NALF1: variants seen among roughly 807,000 people sequenced by gnomAD.
The protein encoded by NALF1 is family with sequence similarity 155 member A.
Under a neutral mutation model 48.4 loss-of-function variants are expected in NALF1, and 3 were observed. That is an observed-to-expected ratio of 0.06 (90% CI 0.03 to 0.16). NALF1 has a LOEUF of 0.16. NALF1 is among the 10% of genes least tolerant of loss of function. The pLI is 1.00. For synonymous variants in NALF1, 262 were observed against 245.7 expected, an observed-to-expected ratio of 1.07 and a Z score of -0.62; for missense variants, 526 against 571.5, an observed-to-expected ratio of 0.92 and a Z score of 0.81.
chr13:107,544,389 C>T (rs1302724980), intron 1 of NALF1, among the ~76,000 whole-genome samples: 1 of 152,056 alleles, frequency 6.6e-6, no homozygotes, highest in East Asian at 1.9e-4. Flanking sequence ...TGACTCAAGC[C>T]ATAATTGAAA....
At chr13:107,696,907 A>G (rs1012521952) in intron 1 of NALF1, among the ~76,000 whole-genome samples, 4 of 152,176 alleles carry the variant, frequency 2.6e-5, no homozygotes, top group African/African-American at 9.6e-5. Flanking sequence ...TACACGTATC[A>G]TTCCTTAAAA....
intron 1 of NALF1, among the ~76,000 whole-genome samples, chr13:107,365,838 C>T (rs1287192431): frequency 6.6e-6 from 1 of 152,184 alleles, no homozygotes; most frequent in African/African-American, 2.4e-5. Flanking sequence ...ATATATTTTG[C>T]CTACTCCCGT....
intron 1 of NALF1, among the ~76,000 whole-genome samples, chr13:107,766,056 A>T (rs1877411437): frequency 6.6e-6 from 1 of 152,176 alleles, no homozygotes; most frequent in South Asian, 2.1e-4. Flanking sequence ...ATCATCTATA[A>T]TAGGTCCATC....
At chr13:107,797,366 C>T (rs1233430758) in intron 1 of NALF1, among the ~76,000 whole-genome samples, 1 of 152,036 alleles carries the variant, frequency 6.6e-6, no homozygotes, top group Non-Finnish European at 1.5e-5. Context: ...CCACCATGCC[C>T]GGCTAATTTT....
intron 1 of NALF1, among the ~76,000 whole-genome samples, chr13:107,216,756 C>T (rs959282213): frequency 1.5e-4 from 23 of 152,118 alleles, no homozygotes; most frequent in Admixed American, 3.3e-4. Context: ...TGCCCATCCA[C>T]GCCAGCATCC....
intron 1 of NALF1, among the ~76,000 whole-genome samples, chr13:107,751,058 G>A (rs909648244): frequency 3.9e-5 from 6 of 152,210 alleles, no homozygotes. Flanking sequence ...GGAATGCAAT[G>A]TGCTATTAAG....
intron 1 of NALF1, among the ~76,000 whole-genome samples, chr13:107,263,169 A>G (rs781217717): frequency 2.0e-5 from 3 of 150,068 alleles, no homozygotes; most frequent in Non-Finnish European, 4.4e-5. Flanking sequence ...CCCTAGGGGA[A>G]CTCCTTTTTA....
At chr13:107,445,008 C>T (rs1884624272) in intron 1 of NALF1, among the ~76,000 whole-genome samples, 1 of 152,138 alleles carries the variant, frequency 6.6e-6, no homozygotes, top group Non-Finnish European at 1.5e-5. Context: ...TTCTTTCAGC[C>T]TCCTGCAATG....
At chr13:107,468,844 A>G (rs908699518) in intron 1 of NALF1, among the ~76,000 whole-genome samples, 1 of 152,192 alleles carries the variant, frequency 6.6e-6, no homozygotes, top group Non-Finnish European at 1.5e-5. Flanking sequence ...ATTATTTTAT[A>G]GGTGTATTTG....
chr13:107,711,028 C>G (rs1481989464), intron 1 of NALF1, among the ~76,000 whole-genome samples: 1 of 151,976 alleles, frequency 6.6e-6, no homozygotes, highest in Non-Finnish European at 1.5e-5. Context: ...TTATGAAAGA[C>G]TGCTTCAAAT....
chr13:107,512,747 TG>T (rs1224898975), intron 1 of NALF1, among the ~76,000 whole-genome samples: 1 of 152,076 alleles, frequency 6.6e-6, no homozygotes, highest in African/African-American at 2.4e-5. Flanking sequence ...ATCAGGTCAT[TG>T]TCATGGAAAG....
intron 1 of NALF1, among the ~76,000 whole-genome samples, chr13:107,837,067 C>T (rs990288679): frequency 2.0e-5 from 3 of 152,058 alleles, no homozygotes; most frequent in African/African-American, 7.2e-5. Context: ...CTCTTTAATC[C>T]ATGATAGAGC....
chr13:107,270,414 T>C (rs908362986), intron 1 of NALF1, among the ~76,000 whole-genome samples: 2 of 152,040 alleles, frequency 1.3e-5, no homozygotes, highest in East Asian at 3.9e-4. Flanking sequence ...TTGGTAAATG[T>C]ACCACCTGGA....
In NALF1 at chr13:107,866,376, T is replaced by C. The variant is rs1880730931; in HGVS notation, c.221A>G (p.Gln74Arg). 2.0e-6 allele frequency: 3 copies of C among 1,479,380 alleles called. No homozygotes were observed. Among genetic ancestry groups the C allele is most frequent in the Non-Finnish European group, 2.7e-6 (3 of 1,112,626 alleles). The allele number at this position is 1,479,380 out of a possible 1,614,324, so 91.6% of individuals were successfully genotyped here. ...CTGCTGCTGCTGCTGCCGCTGCTGC[T>C]GCTGGTGCTCCTTGTCCCGGGCCCG... The part of the protein sequence containing the change: ...LTRARDKEHQ[Q>R]QQRQQQQQQQ... Residue 74 changes from glutamine (Q) to arginine (R), a missense_variant, in exon 1 of 3, where the codon CAG (glutamine) becomes CGG (arginine). Physicochemically the swap from Gln to Arg is conservative, Grantham distance 43. This residue lies in a region of NALF1 where 373 missense variants were observed against 355.5 expected (regional missense o/e 1.05). Coordinates refer to ENST00000375915, the MANE Select transcript of NALF1 (RefSeq NM_001080396.3). The surrounding 1 kb of genome is among the most constrained non-coding windows in gnomAD (Gnocchi z 4.4).
At chr13:107,295,233 A>G (rs1881703210) in intron 1 of NALF1, among the ~76,000 whole-genome samples, 1 of 152,134 alleles carries the variant, frequency 6.6e-6, no homozygotes, top group African/African-American at 2.4e-5. Context: ...AAGTGATAAC[A>G]TGTGGTATTT....
chr13:107,791,779 G>GC (rs11288200), intron 1 of NALF1, among the ~76,000 whole-genome samples: 23,375 of 149,640 alleles, frequency 0.16, 2,091 homozygotes, highest in Admixed American at 0.27. Flanking sequence ...GGTGATCCCC[G>GC]CCCCCCCCCG....
At chr13:107,645,910 A>C (rs1339559465) in intron 1 of NALF1, among the ~76,000 whole-genome samples, 1 of 152,130 alleles carries the variant, frequency 6.6e-6, no homozygotes, top group African/African-American at 2.4e-5. Flanking sequence ...AAACTCCAAG[A>C]GGTTGCAGTA....
chr13:107,339,772 AT>A (rs144278363), intron 1 of NALF1, among the ~76,000 whole-genome samples: 1,792 of 152,332 alleles, frequency 0.012, 16 homozygotes, highest in Non-Finnish European at 0.02. Context: ...ATTTTCAAAA[AT>A]AAGCCATTTA....
chr13:107,721,327 GCCCTCACAGTCCAGC>G (rs1875980101), intron 1 of NALF1, among the ~76,000 whole-genome samples: 1 of 152,096 alleles, frequency 6.6e-6, no homozygotes, highest in African/African-American at 2.4e-5. Context: ...GGAATATCCA[GCCCTCACAGTCCAGC>G]CCCTCCACTG....
Sources: gnomAD v4.1 joint callset for allele counts (sites outside exome capture counted in the v4.1 genomes callset) on GRCh38, gnomAD v4.1.1 for gene constraint, gnomAD v4.1.1 regional missense constraint, Gnocchi (gnomAD v3.1) non-coding constraint, MANE v1.5 for transcripts, NCBI Gene and HGNC (gene_info 2026-07-23, HGNC 2026-07-21) for gene names.